CCAR1: variants seen among roughly 807,000 people sequenced by gnomAD.
CCAR1 encodes cell division cycle and apoptosis regulator protein 1.
A neutral mutation model predicts 163.8 loss-of-function variants in CCAR1; 78 were observed. That is an observed-to-expected ratio of 0.48 (90% confidence interval 0.40 to 0.57). CCAR1 has a LOEUF of 0.57. CCAR1 is among the 20% of genes least tolerant of loss of function. The pLI, the probability that CCAR1 is intolerant of heterozygous loss-of-function variation, is 0.00. For missense variants in CCAR1, 1,019 were observed against 1,365.2 expected (o/e 0.75, Z 4.00); for synonymous variants, 443 against 460.7 (o/e 0.96, Z 0.49).
At chr10:68,774,072 A>G (rs139483312) in intron 19 of CCAR1, among the ~76,000 whole-genome samples, 161 of 151,994 alleles carry the variant, frequency 1.1e-3, no homozygotes, top group Admixed American at 1.8e-3. Flanking sequence ...TTGTATTTTT[A>G]GTAGAGATGG....
chr10:68,742,044 T>C (rs1564533310), intron 5 of CCAR1, among the ~76,000 whole-genome samples: 1 of 152,192 alleles, frequency 6.6e-6, no homozygotes, highest in African/African-American at 2.4e-5. Context: ...ATTACTAGTA[T>C]CTTAAGATAT....
At chr10:68,787,586 A>G (rs2056809587) in intron 21 of CCAR1, among the ~76,000 whole-genome samples, 1 of 152,158 alleles carries the variant, frequency 6.6e-6, no homozygotes, top group Admixed American at 6.6e-5. Flanking sequence ...CTGTAATCCC[A>G]GCACTTTGGG....
At chr10:68,750,272 G>C (rs1409840477) in intron 10 of CCAR1, among the ~76,000 whole-genome samples, 1 of 144,716 alleles carries the variant, frequency 6.9e-6, no homozygotes, top group Non-Finnish European at 1.5e-5. Flanking sequence ...TTGGAGTGCA[G>C]TGGCATGATC....
rs530973148 is a variant in CCAR1 at position 68,753,353 on chromosome 10, G to A, written c.1119-499G>A. Among the ~76,000 whole-genome samples the A allele has an allele frequency of 9.2e-5, 14 of 152,254 alleles. No individual in the cohort carries two copies. The East Asian group carries it at 2.7e-3, about 29-fold the overall frequency. On this transcript the variant is annotated intron_variant, in intron 10 of 24. Coordinates refer to ENST00000265872, the MANE Select transcript of CCAR1 (RefSeq NM_018237.4). ...AAGGAACATATGAATTTTGCTTTTT[G>A]TGGATTTTTGTATTTAATTTTGAAT...
chr10:68,777,882 T>C (rs1487629763), intron 19 of CCAR1, among the ~76,000 whole-genome samples: 2 of 151,486 alleles, frequency 1.3e-5, no homozygotes, highest in Non-Finnish European at 2.9e-5. Flanking sequence ...CAGTGAGCGA[T>C]GATCACACCA....
At chr10:68,740,243 T>C (rs2056165663) in intron 4 of CCAR1, among the ~76,000 whole-genome samples, 1 of 152,176 alleles carries the variant, frequency 6.6e-6, no homozygotes, top group Non-Finnish European at 1.5e-5. Context: ...AAAAATCAGG[T>C]TCTGTATTTT....
rs2056622129 is a variant in CCAR1, at chr10:68,773,009, G to A, written c.2560G>A (p.Asp854Asn). ...ATAGAAAGAAGATAAAAGAAAAGAT[G>A]ATTCTAAAGATGATGATGAAACTGA... Reference protein sequence around the residue: ...ERKKEDKRKDDSKDDDETEED... With the variant: ...ERKKEDKRKDNSKDDDETEED... The change falls in exon 19 of 25, where the codon GAT becomes AAT. Residue 854 changes from aspartate (D) to asparagine (N), a missense_variant. Asp to Asn is a conservative substitution (Grantham distance 23). Around this residue, in one of 4 missense-constraint regions of CCAR1, gnomAD observed 358 missense variants for 406.4 expected, o/e 0.88. Transcript: ENST00000265872. The A allele has an allele frequency of 4.8e-6, 7 of 1,455,234 alleles. No individual in the cohort carries two copies. Among genetic ancestry groups the A allele is most frequent in the Non-Finnish European group, 6.6e-6 (7 of 1,060,250 alleles). 90.1% of individuals were successfully genotyped at this position (1,455,234 alleles called of 1,614,324 possible).
intron 17 of CCAR1, among the ~76,000 whole-genome samples, chr10:68,769,502 C>T (rs4746784): frequency 1.3e-5 from 2 of 152,094 alleles, no homozygotes; most frequent in African/African-American, 2.4e-5. Context: ...TACGTGTAAT[C>T]CCAGCTACTC....
chr10:68,767,248 C>CT (rs1224587491), intron 17 of CCAR1, among the ~76,000 whole-genome samples: 1 of 151,674 alleles, frequency 6.6e-6, no homozygotes, highest in Non-Finnish European at 1.5e-5. Context: ...CATTATTAAT[C>CT]TATTTTTTGT....
chr10:68,733,543 C>T (rs1271121539), intron 2 of CCAR1, among the ~76,000 whole-genome samples: 2 of 151,990 alleles, frequency 1.3e-5, no homozygotes, highest in Non-Finnish European at 2.9e-5. Flanking sequence ...TGGTTTTGGC[C>T]TGAAATCCCA....
intron 11 of CCAR1, among the ~76,000 whole-genome samples, chr10:68,754,335 T>C (rs2133362261): frequency 6.6e-6 from 1 of 152,360 alleles, no homozygotes; most frequent in African/African-American, 2.4e-5. Flanking sequence ...AATGAGATAT[T>C]TGGAATGTTG....
chr10:68,771,492 G>A lies in CCAR1; in HGVS notation c.2538+47G>A, dbSNP rs764595422. 6 of 1,463,926 alleles carry A rather than the reference G, an allele frequency of 4.1e-6. No homozygotes were observed. In the African/African-American group the frequency reaches 5.7e-5, roughly 14 times the overall value. 90.7% of individuals were successfully genotyped at this position (1,463,926 alleles called of 1,614,324 possible). The stretch of plus-strand genomic sequence containing the variant: ...TAGAAGCTTTCAGTTACTCTTCTAG[G>A]TTATAAAGGTTGATGTTGATTTCCA... On this transcript the variant is annotated intron_variant, in intron 18 of 24. Coordinates refer to ENST00000265872, the MANE Select transcript of CCAR1 (RefSeq NM_018237.4).
intron 19 of CCAR1, among the ~76,000 whole-genome samples, chr10:68,783,620 A>G (rs1208497068): frequency 6.6e-6 from 1 of 152,140 alleles, no homozygotes; most frequent in Non-Finnish European, 1.5e-5. Context: ...ATTCTCATGG[A>G]TGACTTTGAA....
intron 19 of CCAR1, chr10:68,774,955 G>A: frequency 2.6e-6 from 1 of 378,638 alleles, no homozygotes; most frequent in South Asian, 1.9e-5. Flanking sequence ...TTTACAGTTT[G>A]TGTCTCTGGC....
At chr10:68,785,220 T>G (rs996434800) in intron 19 of CCAR1, among the ~76,000 whole-genome samples, 2 of 147,470 alleles carry the variant, frequency 1.4e-5, no homozygotes, top group African/African-American at 2.5e-5. Flanking sequence ...CCCGGCCCTA[T>G]AACTTTTTTT....
chr10:68,766,856 G>GT (rs1405016470), intron 17 of CCAR1, among the ~76,000 whole-genome samples: 4 of 152,010 alleles, frequency 2.6e-5, no homozygotes, highest in Admixed American at 1.3e-4. Flanking sequence ...GTTTTTTTGA[G>GT]TTTCTGTTGT....
intron 13 of CCAR1, 45 bp downstream of exon 13, chr10:68,755,581 T>A (rs1334870894): frequency 6.6e-7 from 1 of 1,519,092 alleles, no homozygotes; most frequent in Admixed American, 1.8e-5. Flanking sequence ...TTACTGATAG[T>A]TTATGTAGTT....
intron 6 of CCAR1, among the ~76,000 whole-genome samples, 191 bp downstream of exon 6, chr10:68,742,760 C>T (rs563683097): frequency 1.1e-4 from 16 of 151,998 alleles, no homozygotes; most frequent in Admixed American, 4.6e-4. Context: ...GGATGACAGG[C>T]GTGCACCACC....
In CCAR1 at chr10:68,788,057, A is replaced by G. The variant is rs964148290; in HGVS notation, c.3001+10A>G. 3 of 1,571,676 alleles carry G rather than the reference A, an allele frequency of 1.9e-6. No individual in the cohort carries two copies. Among genetic ancestry groups the G allele is most frequent in the Non-Finnish European group, 1.7e-6 (2 of 1,166,122 alleles). On this transcript the variant is annotated intron_variant, in intron 22 of 24. Transcript: ENST00000265872. The stretch of plus-strand genomic sequence containing the variant: ...CAGGAAGATATGCTAGGTCTGAGTA[A>G]TATTAAGATTTTGCTTTTTAATAAA...
Sources: allele counts gnomAD v4.1 joint callset (sites outside exome capture counted in the v4.1 genomes callset), GRCh38; gene constraint gnomAD v4.1.1; regional missense constraint gnomAD v4.1.1; transcripts MANE v1.5; gene names NCBI Gene and HGNC (gene_info 2026-07-23, HGNC 2026-07-21).